The following CLSTN2 variants were observed in gnomAD, a reference collection of about 807,000 sequenced individuals.
CLSTN2 encodes the protein calsyntenin-2.
A neutral mutation model predicts 101.2 loss-of-function variants in CLSTN2; 48 were observed. That is an observed-to-expected ratio of 0.47 (90% confidence interval 0.38 to 0.60). The LOEUF is 0.60. Among genes scored for constraint, CLSTN2 ranks in the 20% least tolerant of loss-of-function variants. The probability of loss-of-function intolerance (pLI) is 0.00; values close to 1 mark genes in which losing one functional copy is unlikely to be tolerated. For missense variants in CLSTN2, 1,160 were observed against 1,238.2 expected (o/e 0.94, Z 0.95); for synonymous variants, 481 against 463.6 (o/e 1.04, Z -0.48).
At chr3:140,427,199 ATATATG>A in intron 5 of CLSTN2, among the ~76,000 whole-genome samples, 1 of 74,920 alleles carries the variant, frequency 1.3e-5, no homozygotes, top group African/African-American at 8.2e-5. Context: ...ATATATATAT[ATATATG>A]TGTATATATA....
intron 1 of CLSTN2, among the ~76,000 whole-genome samples, chr3:140,027,929 T>C (rs1250739829): frequency 6.6e-6 from 1 of 152,180 alleles, no homozygotes; most frequent in Non-Finnish European, 1.5e-5. Context: ...CTTGGTAACA[T>C]TGGGGCCACT....
chr3:140,528,311 C>A (rs1316361325), intron 8 of CLSTN2, among the ~76,000 whole-genome samples: 3 of 152,098 alleles, frequency 2.0e-5, no homozygotes, highest in Non-Finnish European at 4.4e-5. Flanking sequence ...AGAATAAAAG[C>A]AATCCAAGTC....
intron 1 of CLSTN2, among the ~76,000 whole-genome samples, chr3:140,143,235 A>G (rs1481309814): frequency 1.3e-5 from 2 of 152,144 alleles, no homozygotes; most frequent in South Asian, 2.1e-4. Context: ...TTTTGTGTGC[A>G]TGTGTGTGTG....
intron 1 of CLSTN2, among the ~76,000 whole-genome samples, chr3:140,081,289 C>T (rs1051005620): frequency 5.3e-5 from 8 of 152,084 alleles, no homozygotes; most frequent in South Asian, 2.1e-4. Flanking sequence ...ATAAAGAATA[C>T]GAAAGTATTG....
At chr3:140,330,143 T>A (rs1559840492) in intron 2 of CLSTN2, among the ~76,000 whole-genome samples, 1 of 152,194 alleles carries the variant, frequency 6.6e-6, no homozygotes, top group Admixed American at 6.5e-5. Context: ...CTTCCCTAAC[T>A]CTTTGGGAAG....
At chr3:139,965,715 C>T (rs1560056284) in intron 1 of CLSTN2, among the ~76,000 whole-genome samples, 1 of 152,194 alleles carries the variant, frequency 6.6e-6, no homozygotes. Context: ...AGCTTTCTTG[C>T]ATTCTGGGAC....
intron 1 of CLSTN2, among the ~76,000 whole-genome samples, chr3:140,042,948 C>T (rs542430197): frequency 1.3e-5 from 2 of 152,102 alleles, no homozygotes; most frequent in Non-Finnish European, 2.9e-5. Flanking sequence ...GTTGGTTCCA[C>T]GTCTTTGCTA....
At chr3:140,349,964 T>C (rs941355689) in intron 2 of CLSTN2, among the ~76,000 whole-genome samples, 1 of 152,176 alleles carries the variant, frequency 6.6e-6, no homozygotes, top group Non-Finnish European at 1.5e-5. Flanking sequence ...CTTGTTGACA[T>C]CTCTCATAGA....
At chr3:140,303,149 G>A (rs367721572) in intron 2 of CLSTN2, among the ~76,000 whole-genome samples, 122 of 152,278 alleles carry the variant, frequency 8.0e-4, no homozygotes, top group African/African-American at 2.8e-3. Context: ...AACTGTTCAC[G>A]AGATGAAACA....
intron 2 of CLSTN2, among the ~76,000 whole-genome samples, chr3:140,392,624 T>C (rs1425286322): frequency 1.3e-5 from 2 of 152,196 alleles, no homozygotes; most frequent in Admixed American, 6.5e-5. Context: ...GGCTAGTGGC[T>C]TCTGCACTAA....
chr3:140,470,350 T>C (rs1009667754), intron 8 of CLSTN2, among the ~76,000 whole-genome samples: 1 of 151,798 alleles, frequency 6.6e-6, no homozygotes, highest in Non-Finnish European at 1.5e-5. Context: ...ATCAGGGGAG[T>C]CTGTGGAAGC....
rs554819982 is a variant in CLSTN2, at chr3:140,097,388, C to G, written c.110-78563C>G. Among the ~76,000 whole-genome samples the G allele has an allele frequency of 2.3e-3, 350 of 152,188 alleles. 1 individual carries two copies. The highest frequency in any genetic ancestry group is 0.01 in the Middle Eastern group (3 of 294). ...ATTTTCTGTTGGCTTGCTACAGCACCCCCTGCTTTACTTTCAGCCTACCAT... is the reference window on the plus strand; with the variant it reads ...ATTTTCTGTTGGCTTGCTACAGCACGCCCTGCTTTACTTTCAGCCTACCAT... On this transcript the variant is annotated intron_variant, in intron 1 of 16. Coordinates refer to ENST00000458420, the MANE Select transcript of CLSTN2 (RefSeq NM_022131.3).
intron 1 of CLSTN2, among the ~76,000 whole-genome samples, chr3:140,155,863 T>A (rs891906266): frequency 6.6e-6 from 1 of 152,238 alleles, no homozygotes; most frequent in Non-Finnish European, 1.5e-5. Flanking sequence ...GCATTGAGAT[T>A]GCCATCTGCT....
At chr3:140,435,502 T>G (rs1189271593) in intron 5 of CLSTN2, among the ~76,000 whole-genome samples, 1 of 152,208 alleles carries the variant, frequency 6.6e-6, no homozygotes, top group Non-Finnish European at 1.5e-5. Context: ...AAATCTTAAT[T>G]ATTGTAGACA....
intron 1 of CLSTN2, among the ~76,000 whole-genome samples, chr3:140,120,522 G>C (rs1560100976): frequency 6.6e-6 from 1 of 152,140 alleles, no homozygotes; most frequent in South Asian, 2.1e-4. Context: ...GGCCACTGGT[G>C]ATCAACTTTT....
intron 1 of CLSTN2, among the ~76,000 whole-genome samples, chr3:140,164,707 C>A (rs1235169791): frequency 6.6e-6 from 1 of 152,130 alleles, no homozygotes; most frequent in Non-Finnish European, 1.5e-5. Context: ...ACATGGTACC[C>A]CAGTGCACAA....
chr3:139,996,976 G>A (rs1553788966), intron 1 of CLSTN2, among the ~76,000 whole-genome samples: 1 of 150,790 alleles, frequency 6.6e-6, no homozygotes, highest in Admixed American at 6.6e-5. Context: ...GAACCCAGGA[G>A]GCGGAAGTTG....
At chr3:140,482,709 G>C (rs1934147041) in intron 8 of CLSTN2, among the ~76,000 whole-genome samples, 1 of 152,170 alleles carries the variant, frequency 6.6e-6, no homozygotes, top group Non-Finnish European at 1.5e-5. Context: ...ATTTCTTCTA[G>C]ATTTTCTAGT....
intron 2 of CLSTN2, among the ~76,000 whole-genome samples, chr3:140,395,924 C>T (rs2088177774): frequency 6.6e-6 from 1 of 152,154 alleles, no homozygotes; most frequent in Non-Finnish European, 1.5e-5. Context: ...AGGGACCTCA[C>T]CAATCTGAAG....
Sources: allele counts gnomAD v4.1 joint callset (sites outside exome capture counted in the v4.1 genomes callset), GRCh38; gene constraint gnomAD v4.1.1; transcripts MANE v1.5; gene names NCBI Gene and HGNC (gene_info 2026-07-23, HGNC 2026-07-21).